Variants in CECR2 observed in about 807,000 individuals in gnomAD.
The protein encoded by CECR2 is CECR2 histone acetyl-lysine reader, also known as chromatin remodeling regulator CECR2.
In CECR2, 30 loss-of-function variants were observed where a neutral mutation model predicts 154.5. The observed-to-expected ratio is 0.19, with a 90% confidence interval of 0.15 to 0.26. The LOEUF is 0.26. Among genes scored for constraint, CECR2 ranks in the 10% least tolerant of loss-of-function variants. The probability of loss-of-function intolerance (pLI) is 1.00; values close to 1 mark genes in which losing one functional copy is unlikely to be tolerated. For synonymous variants in CECR2, 725 were observed against 683.7 expected (o/e 1.06, Z -0.94); for missense variants, 1,743 against 1,829.3 (o/e 0.95, Z 0.86).
At chr22:17,470,616 T>C (rs540357374) in intron 1 of CECR2, among the ~76,000 whole-genome samples, 8 of 152,306 alleles carry the variant, frequency 5.3e-5, no homozygotes, top group African/African-American at 1.7e-4. Context: ...AATCTTTTCT[T>C]TTCCTGGACA....
At chr22:17,528,144 T>C (rs2056296109) in intron 9 of CECR2, among the ~76,000 whole-genome samples, 1 of 152,176 alleles carries the variant, frequency 6.6e-6, no homozygotes, top group Non-Finnish European at 1.5e-5. Context: ...AGCCAAGATT[T>C]GGAAGCAACC....
chr22:17,433,017 T>C (rs952469159), intron 1 of CECR2, among the ~76,000 whole-genome samples: 1 of 152,234 alleles, frequency 6.6e-6, no homozygotes, highest in Non-Finnish European at 1.5e-5. Flanking sequence ...CATGCACTCT[T>C]ATCACCGAGC....
chr22:17,536,108 C>T (rs900175433), intron 9 of CECR2, among the ~76,000 whole-genome samples: 6 of 152,024 alleles, frequency 3.9e-5, no homozygotes, highest in Admixed American at 1.3e-4. Context: ...ATTAGCTGGG[C>T]GTGGTGGTGC....
intron 9 of CECR2, among the ~76,000 whole-genome samples, chr22:17,535,324 A>C (rs1308417078): frequency 6.6e-6 from 1 of 152,102 alleles, no homozygotes; most frequent in Non-Finnish European, 1.5e-5. Flanking sequence ...TCTCAAAAAA[A>C]AAAAAATTCT....
intron 1 of CECR2, among the ~76,000 whole-genome samples, chr22:17,452,973 A>G (rs2054794663): frequency 1.3e-5 from 2 of 152,206 alleles, no homozygotes; most frequent in Non-Finnish European, 1.5e-5. Context: ...ATTGACCACC[A>G]TGACAAGACC....
intron 1 of CECR2, among the ~76,000 whole-genome samples, chr22:17,423,270 T>TG (rs1266322316): frequency 6.6e-6 from 1 of 152,060 alleles, no homozygotes; most frequent in East Asian, 1.9e-4. Flanking sequence ...TGGGACAAGA[T>TG]GGCTAGACTG....
At chr22:17,408,976 C>T (rs1021329941) in intron 1 of CECR2, among the ~76,000 whole-genome samples, 2 of 152,200 alleles carry the variant, frequency 1.3e-5, no homozygotes, top group African/African-American at 4.8e-5. Context: ...CTTTTCTTTT[C>T]ATAAAGGCTC....
chr22:17,513,072 G>A (rs1446207750), intron 8 of CECR2, among the ~76,000 whole-genome samples: 9 of 152,126 alleles, frequency 5.9e-5, no homozygotes, highest in African/African-American at 2.4e-5. Flanking sequence ...TTCTGGAGCT[G>A]ACTGTGTTTC....
chr22:17,449,308 G>A (rs2054728671), intron 1 of CECR2, among the ~76,000 whole-genome samples: 1 of 151,908 alleles, frequency 6.6e-6, no homozygotes. Flanking sequence ...CTTACTGGAT[G>A]CTGTCACCTG....
intron 1 of CECR2, among the ~76,000 whole-genome samples, chr22:17,417,145 C>G (rs528508133): frequency 4.0e-5 from 6 of 151,840 alleles, no homozygotes; most frequent in African/African-American, 1.2e-4. Flanking sequence ...ATTGCCTTTA[C>G]TCCATGCGTT....
chr22:17,500,646 A>G lies in CECR2; in HGVS notation c.561A>G (p.Gln187=), dbSNP rs1284532216. ...ELSLSRESEG[Q]KNVSSIPGKT... is the part of the protein sequence containing the mutation. ...TATTTATTAGGGAAAGTGAAGGACA[A>G]AAAAATGTCTCAAGTATTCCTGGAA... Residue 187 remains glutamine (Q), a synonymous_variant, in exon 5 of 19, where the codon CAA becomes CAG. Coordinates refer to ENST00000262608, the MANE Select transcript of CECR2 (RefSeq NM_001290047.2). 2 of 1,552,736 alleles carry G rather than the reference A, an allele frequency of 1.3e-6. No homozygotes were observed. Among genetic ancestry groups the G allele is most frequent in the Non-Finnish European group, 1.7e-6 (2 of 1,148,432 alleles).
At chr22:17,516,255 A>G (rs945237090) in intron 8 of CECR2, among the ~76,000 whole-genome samples, 16 of 150,034 alleles carry the variant, frequency 1.1e-4, no homozygotes, top group African/African-American at 3.9e-4. Context: ...ATTTACAGTT[A>G]TGTACATACA....
At chr22:17,544,278 T>C (rs174337) in intron 16 of CECR2, among the ~76,000 whole-genome samples, 151,086 of 151,880 alleles carry the variant, frequency 0.99, 75,148 homozygotes, top group Middle Eastern at 1. Context: ...GCAGGCAGAT[T>C]ACAAGGTCAG....
intron 2 of CECR2, among the ~76,000 whole-genome samples, chr22:17,492,026 A>G (rs546733868): frequency 1.3e-5 from 2 of 152,318 alleles, no homozygotes; most frequent in East Asian, 3.9e-4. Flanking sequence ...TCTTTTTATA[A>G]GCTTCGAGAA....
Position 17,511,826 on chromosome 22 carries a change from A to G in CECR2, c.884A>G (p.Gln295Arg), listed in dbSNP as rs2055961280. ...NMIAQKGKRP[Q>R]RTKAELHPRW... Reference sequence around the variant, plus strand: ...TTCTAACTATAGGGAAAACGTCCACAGCGCACAAAGGCAGAGTTGCATCCT... The same window carrying G: ...TTCTAACTATAGGGAAAACGTCCACGGCGCACAAAGGCAGAGTTGCATCCT... The change falls in exon 8 of 19, where the codon CAG (glutamine) becomes CGG (arginine). Residue 295 changes from glutamine (Q) to arginine (R), a missense_variant. Physicochemically the swap from Gln to Arg is conservative, Grantham distance 43. Transcript: ENST00000262608. 3 of 1,612,428 alleles carry G rather than the reference A, an allele frequency of 1.9e-6. No homozygotes were observed. The highest frequency in any genetic ancestry group is 2.5e-6 in the Non-Finnish European group (3 of 1,179,110).
At chr22:17,371,850 T>A (rs2063065123) in intron 1 of CECR2, among the ~76,000 whole-genome samples, 1 of 152,258 alleles carries the variant, frequency 6.6e-6, no homozygotes, top group Non-Finnish European at 1.5e-5. Context: ...TAACTCATTT[T>A]GCCTTAAGTA....
chr22:17,521,302 A>T (rs1488291081), intron 8 of CECR2, among the ~76,000 whole-genome samples: 1 of 152,136 alleles, frequency 6.6e-6, no homozygotes, highest in Non-Finnish European at 1.5e-5. Context: ...GCACTTTGGG[A>T]GGCCAAGGCA....
chr22:17,478,050 T>G (rs2055239942), intron 2 of CECR2, among the ~76,000 whole-genome samples: 1 of 152,174 alleles, frequency 6.6e-6, no homozygotes, highest in Non-Finnish European at 1.5e-5. Context: ...GTCATTTGAG[T>G]ATCTTCTGTT....
At chr22:17,381,487 G>A (rs2063188500) in intron 1 of CECR2, among the ~76,000 whole-genome samples, 1 of 152,126 alleles carries the variant, frequency 6.6e-6, no homozygotes, top group Non-Finnish European at 1.5e-5. Context: ...TTCAGCAATG[G>A]AACCCATCTT....
Sources: gnomAD v4.1 joint callset for allele counts (sites outside exome capture counted in the v4.1 genomes callset) on GRCh38, gnomAD v4.1.1 for gene constraint, MANE v1.5 for transcripts, NCBI Gene and HGNC (gene_info 2026-07-23, HGNC 2026-07-21) for gene names.